Variants in DNAH9 observed in about 807,000 individuals in gnomAD.
The protein encoded by DNAH9 is DNAH9 variant protein.
A neutral mutation model predicts 471.6 loss-of-function variants in DNAH9; 345 were observed. The observed-to-expected ratio is 0.73, with a 90% CI of 0.67 to 0.80. DNAH9 has a LOEUF of 0.80. Ranked by LOEUF, DNAH9 falls within the 30% of genes least tolerant of loss-of-function variation. The pLI is 0.00. For missense variants in DNAH9, 5,407 were observed against 5,609.2 expected, an observed-to-expected ratio of 0.96 and a Z score of 1.15; for synonymous variants, 2,093 against 2,123.6, an observed-to-expected ratio of 0.99 and a Z score of 0.40.
intron 38 of DNAH9, among the ~76,000 whole-genome samples, chr17:11,770,983 A>T (rs1968183342): frequency 6.6e-6 from 1 of 152,196 alleles, no homozygotes; most frequent in Admixed American, 6.5e-5. Context: ...ACCATTATAA[A>T]CATTTCCACT....
intron 1 of DNAH9, among the ~76,000 whole-genome samples, chr17:11,601,428 CAG>C (rs1011086015): frequency 6.6e-6 from 1 of 152,122 alleles, no homozygotes; most frequent in Non-Finnish European, 1.5e-5. Context: ...GAAGGAGAAA[CAG>C]TAACTGAAGT....
chr17:11,649,965 A>G (rs1361540773), intron 12 of DNAH9, among the ~76,000 whole-genome samples: 2 of 152,052 alleles, frequency 1.3e-5, no homozygotes, highest in Non-Finnish European at 2.9e-5. Context: ...TTTTATGTTG[A>G]TATTTTATGC....
At chr17:11,774,018 C>T (rs1311638042) in intron 38 of DNAH9, among the ~76,000 whole-genome samples, 1 of 152,008 alleles carries the variant, frequency 6.6e-6, no homozygotes, top group Non-Finnish European at 1.5e-5. Context: ...TGCCTGTAGT[C>T]CCAGCTACTC....
chr17:11,861,303 C>T (rs1462864325), intron 50 of DNAH9, among the ~76,000 whole-genome samples: 1 of 151,842 alleles, frequency 6.6e-6, no homozygotes, highest in Non-Finnish European at 1.5e-5. Context: ...CGATAGTTTA[C>T]TGAGAATGAT....
At position 11,723,675 on chromosome 17, in the gene DNAH9, T is replaced by C. The variant is rs74903994; in HGVS notation, c.5710-4143T>C. ...ACTGTAAAAAATTGAATTTTTTTTT[T>C]CTTTTTTTTTGAGATGGAGTCTCGC... On this transcript the variant is annotated intron_variant, in intron 27 of 68. Transcript: ENST00000262442. 3.3e-5 allele frequency among the ~76,000 whole-genome samples: 5 copies of C among 151,938 alleles called. No homozygotes were observed. The South Asian group carries it at 6.2e-4, about 19-fold the overall frequency.
intron 50 of DNAH9, among the ~76,000 whole-genome samples, chr17:11,860,305 C>A (rs955262915): frequency 3.9e-5 from 6 of 152,172 alleles, no homozygotes; most frequent in African/African-American, 7.2e-5. Flanking sequence ...TTTCCATTTA[C>A]AATTAAGTAT....
chr17:11,709,203 T>C (rs2074789509), intron 26 of DNAH9, among the ~76,000 whole-genome samples: 1 of 152,236 alleles, frequency 6.6e-6, no homozygotes, highest in Non-Finnish European at 1.5e-5. Flanking sequence ...TAGGGATTTA[T>C]GGCCTCTACT....
At chr17:11,826,268 T>C (rs1285253199) in intron 48 of DNAH9, among the ~76,000 whole-genome samples, 1 of 152,104 alleles carries the variant, frequency 6.6e-6, no homozygotes, top group Non-Finnish European at 1.5e-5. Flanking sequence ...TCAGATTCAG[T>C]ATTGGAGACC....
chr17:11,671,838 AACAGGATGAACAC>A (rs1283334588), intron 17 of DNAH9, among the ~76,000 whole-genome samples: 12 of 152,178 alleles, frequency 7.9e-5, no homozygotes, highest in Non-Finnish European at 1.6e-4. Flanking sequence ...GGGTTGGTTT[AACAGGATGAACAC>A]ACAGTAGAGC....
intron 38 of DNAH9, among the ~76,000 whole-genome samples, chr17:11,780,204 C>T (rs1160963112): frequency 2.0e-5 from 3 of 152,226 alleles, no homozygotes; most frequent in Non-Finnish European, 2.9e-5. Context: ...CACTCTGTCT[C>T]CAGAAAGGCA....
chr17:11,652,447 A>G (rs11657881), intron 13 of DNAH9, among the ~76,000 whole-genome samples: 51,128 of 150,948 alleles, frequency 0.34, 8,867 homozygotes, highest in Middle Eastern at 0.43. Flanking sequence ...CACCCCACCC[A>G]GCTAATTTTT....
intron 30 of DNAH9, among the ~76,000 whole-genome samples, chr17:11,744,115 A>G (rs2075476871): frequency 6.6e-6 from 1 of 152,144 alleles, no homozygotes; most frequent in African/African-American, 2.4e-5. Flanking sequence ...GGTGTGAGTC[A>G]CCGCACCTGG....
intron 7 of DNAH9, among the ~76,000 whole-genome samples, chr17:11,632,357 C>A (rs1467650683): frequency 6.6e-6 from 1 of 152,210 alleles, no homozygotes; most frequent in Non-Finnish European, 1.5e-5. Context: ...GAACACCAAA[C>A]TCACATCTAA....
chr17:11,797,360 C>G (rs1969281445), intron 42 of DNAH9, among the ~76,000 whole-genome samples: 1 of 152,186 alleles, frequency 6.6e-6, no homozygotes, highest in South Asian at 2.1e-4. Context: ...CCCATCCCAC[C>G]TCCCACTTCC....
At chr17:11,858,166 T>G (rs1179335608) in intron 50 of DNAH9, among the ~76,000 whole-genome samples, 1 of 152,192 alleles carries the variant, frequency 6.6e-6, no homozygotes, top group Non-Finnish European at 1.5e-5. Flanking sequence ...TTATGATTTA[T>G]AAAAATAATA....
intron 32 of DNAH9, among the ~76,000 whole-genome samples, chr17:11,751,868 A>G (rs972193083): frequency 3.9e-5 from 6 of 152,190 alleles, no homozygotes; most frequent in Non-Finnish European, 5.9e-5. Flanking sequence ...AAAAATTACT[A>G]GAATTAATAA....
At chr17:11,925,563 T>C (rs8068041) in intron 62 of DNAH9, 2,725 of 154,572 alleles carry the variant, frequency 0.018, 82 homozygotes, top group African/African-American at 0.061. Context: ...CTCAGGCACA[T>C]TTGCCAAGAG....
intron 29 of DNAH9, 73 bp downstream of exon 29, chr17:11,739,110 G>T: frequency 7.0e-7 from 1 of 1,420,990 alleles, no homozygotes; most frequent in East Asian, 2.3e-5. Flanking sequence ...TAAAATGTGT[G>T]ACATATATTT....
chr17:11,929,815 C>T, intron 62 of DNAH9, 51 bp from the exon 63 acceptor site: 2 of 1,484,510 alleles, frequency 1.3e-6, no homozygotes, highest in Non-Finnish European at 9.2e-7. Context: ...TTACTGCTAA[C>T]AGAGCTAAGC....
Sources: gnomAD v4.1 joint callset for allele counts (sites outside exome capture counted in the v4.1 genomes callset) on GRCh38, gnomAD v4.1.1 for gene constraint, MANE v1.5 for transcripts, NCBI Gene and HGNC (gene_info 2026-07-23, HGNC 2026-07-21) for gene names.